The following SLX4IP variants were observed in gnomAD, a reference collection of about 807,000 sequenced individuals.
SLX4IP encodes SLX4 interacting protein.
In SLX4IP, 34 loss-of-function variants were observed where a neutral mutation model predicts 32.9. The ratio of observed to expected loss-of-function variants is 1.03; its 90% CI spans 0.79 to 1.38. The LOEUF is 1.38. Among genes scored for constraint, SLX4IP ranks in the 40% most tolerant of loss-of-function variants. The probability of loss-of-function intolerance (pLI) is 0.00; values close to 1 mark genes in which losing one functional copy is unlikely to be tolerated. For missense variants in SLX4IP, 444 were observed against 479.0 expected, an observed-to-expected ratio of 0.93 and a Z score of 0.68; for synonymous variants, 172 against 171.7, an observed-to-expected ratio of 1.00 and a Z score of -0.01.
intron 2 of SLX4IP, among the ~76,000 whole-genome samples, chr20:10,546,315 C>A (rs539199092): frequency 6.6e-6 from 1 of 152,186 alleles, no homozygotes; most frequent in Non-Finnish European, 1.5e-5. Context: ...GAGGAGAGTT[C>A]ATAGTTTTAC....
chr20:10,518,770 A>G (rs1293062135), intron 2 of SLX4IP, among the ~76,000 whole-genome samples: 1 of 151,838 alleles, frequency 6.6e-6, no homozygotes, highest in Non-Finnish European at 1.5e-5. Flanking sequence ...GGGTTTGGCT[A>G]TGTAACTCAG....
At chr20:10,502,752 T>C (rs1356584663) in intron 2 of SLX4IP, among the ~76,000 whole-genome samples, 1 of 152,010 alleles carries the variant, frequency 6.6e-6, no homozygotes, top group Non-Finnish European at 1.5e-5. Context: ...AGTCATCATC[T>C]AATGGGCTAA....
At position 10,588,508 on chromosome 20, in the gene SLX4IP, T is replaced by C. The variant is rs185471942; in HGVS notation, c.239-10167T>C. Among the ~76,000 whole-genome samples the C allele has an allele frequency of 9.1e-4, 139 of 152,196 alleles. 1 individual carries two copies. Among genetic ancestry groups the C allele is most frequent in the Admixed American group, 3.3e-3 (50 of 15,278 alleles). On this transcript the variant is annotated intron_variant, in intron 4 of 7. Coordinates refer to ENST00000334534, the MANE Select transcript of SLX4IP (RefSeq NM_001009608.3). The stretch of plus-strand genomic sequence containing the variant: ...CAGCAGTCTCACGTCTGGGTATATA[T>C]ACAAAGGAAATGAAACTAGCATCTT...
At chr20:10,525,395 A>G (rs2065932915) in intron 2 of SLX4IP, among the ~76,000 whole-genome samples, 2 of 152,110 alleles carry the variant, frequency 1.3e-5, no homozygotes, top group African/African-American at 2.4e-5. Flanking sequence ...CTTGCTTTCC[A>G]TCTGCTCACA....
In SLX4IP at chr20:10,625,092, G is replaced by A. The variant is rs2067158125; in HGVS notation, c.*1713G>A. ...GGAGCCCAACAGAATACTAACTTCAGTGGAGCTGACTCTGCTTATACAATA... is the reference window on the plus strand; with the variant it reads ...GGAGCCCAACAGAATACTAACTTCAATGGAGCTGACTCTGCTTATACAATA... On this transcript the variant is annotated 3_prime_UTR_variant, in exon 8 of 8. Coordinates refer to ENST00000334534, the MANE Select transcript of SLX4IP (RefSeq NM_001009608.3). The A allele has an allele frequency of 6.6e-6, 1 of 152,224 alleles. No homozygotes were observed. The highest frequency in any genetic ancestry group is 2.4e-5 in the African/African-American group (1 of 41,448). 9.4% of individuals were successfully genotyped at this position (152,224 alleles called of 1,614,324 possible). A position where few individuals can be genotyped will look rare whatever the true frequency, so the allele number is the denominator to read the frequency against.
At chr20:10,577,560 CA>C (rs964121120) in intron 4 of SLX4IP, among the ~76,000 whole-genome samples, 5 of 151,554 alleles carry the variant, frequency 3.3e-5, no homozygotes, top group Admixed American at 3.3e-4. Flanking sequence ...TACAAAAAAA[CA>C]TAAAAATAAA....
At chr20:10,505,466 A>G (rs2065751295) in intron 2 of SLX4IP, among the ~76,000 whole-genome samples, 1 of 152,254 alleles carries the variant, frequency 6.6e-6, no homozygotes, top group Admixed American at 6.5e-5. Flanking sequence ...TGTCTTCTTT[A>G]GCCCGACTGT....
At chr20:10,460,467 G>A (rs527963184) in intron 2 of SLX4IP, among the ~76,000 whole-genome samples, 1 of 152,340 alleles carries the variant, frequency 6.6e-6, no homozygotes, top group African/African-American at 2.4e-5. Context: ...CATACTCAGT[G>A]CAGTTGATGC....
intron 4 of SLX4IP, among the ~76,000 whole-genome samples, chr20:10,582,598 A>G (rs1293273642): frequency 1.3e-5 from 2 of 152,124 alleles, no homozygotes; most frequent in Non-Finnish European, 1.5e-5. Context: ...CTATAAATCT[A>G]TATTTTCAAC....
Position 10,624,082 on chromosome 20 carries a change from T to C in SLX4IP, c.*703T>C, listed in dbSNP as rs577835040. ...ATCCCCTCGGACTCCCTCAAACTCG[T>C]AAAACACTTGGGTTTGGTGTATGGG... On this transcript the variant is annotated 3_prime_UTR_variant, in exon 8 of 8. Transcript: ENST00000334534. 6 of 152,362 alleles carry C rather than the reference T, an allele frequency of 3.9e-5. No homozygotes were observed. Among genetic ancestry groups the C allele is most frequent in the Admixed American group, 3.3e-4 (5 of 15,306 alleles). The allele number at this position is 152,362 out of a possible 1,614,324, so 9.4% of individuals were successfully genotyped here.
chr20:10,565,151 C>T (rs900237052), intron 4 of SLX4IP, among the ~76,000 whole-genome samples: 5 of 152,128 alleles, frequency 3.3e-5, no homozygotes, highest in African/African-American at 1.2e-4. Flanking sequence ...CCTCTGCTGC[C>T]AGAGTGGCCT....
intron 1 of SLX4IP, among the ~76,000 whole-genome samples, chr20:10,450,783 G>T (rs1223714170): frequency 2.0e-5 from 3 of 152,136 alleles, no homozygotes; most frequent in Admixed American, 6.5e-5. Context: ...ACGGAGTCTC[G>T]CTCTGTCGCC....
chr20:10,499,249 T>A (rs2065696176), intron 2 of SLX4IP, among the ~76,000 whole-genome samples: 1 of 152,202 alleles, frequency 6.6e-6, no homozygotes, highest in Admixed American at 6.5e-5. Context: ...CTTTGAACTT[T>A]ACTTACAATA....
chr20:10,512,776 CT>C (rs2065820105), intron 2 of SLX4IP, among the ~76,000 whole-genome samples: 1 of 114,746 alleles, frequency 8.7e-6, no homozygotes, highest in Non-Finnish European at 1.7e-5. Context: ...CACACACACA[CT>C]CTATATATAT....
At chr20:10,583,170 T>TA (rs1340771000) in intron 4 of SLX4IP, among the ~76,000 whole-genome samples, 3 of 152,218 alleles carry the variant, frequency 2.0e-5, no homozygotes, top group Non-Finnish European at 2.9e-5. Flanking sequence ...CCAACTATTT[T>TA]AAAGTAGATT....
Position 10,567,675 on chromosome 20 carries a change from T to C in SLX4IP, c.238+6855T>C, listed in dbSNP as rs2066412912. 2.0e-5 allele frequency among the ~76,000 whole-genome samples: 3 copies of C among 152,236 alleles called. No homozygotes were observed. In the South Asian group the frequency reaches 6.2e-4, roughly 32 times the overall value. Reference sequence around the variant, plus strand: ...TGTATAAATATTCTCACACTCTATATAACTTTTCCCCAAATATTTATGTCA... The same window carrying C: ...TGTATAAATATTCTCACACTCTATACAACTTTTCCCCAAATATTTATGTCA... On this transcript the variant is annotated intron_variant, in intron 4 of 7. Coordinates refer to ENST00000334534, the MANE Select transcript of SLX4IP (RefSeq NM_001009608.3).
intron 6 of SLX4IP, among the ~76,000 whole-genome samples, chr20:10,618,940 T>TGGGGGGGGGTGGGGGGGGG (rs59862780): frequency 2.4e-5 from 1 of 41,788 alleles, no homozygotes; most frequent in Non-Finnish European, 4.9e-5. Flanking sequence ...GCTTGGGGGT[T>TGGGGGGGGGTGGGGGGGGG]GGGGGGGCGG....
intron 6 of SLX4IP, among the ~76,000 whole-genome samples, chr20:10,616,051 T>C (rs986963638): frequency 6.6e-6 from 1 of 152,172 alleles, no homozygotes; most frequent in Non-Finnish European, 1.5e-5. Context: ...CTTGGTCTTA[T>C]TCCCCAAGCC....
chr20:10,560,055 A>G lies in SLX4IP; in HGVS notation c.118-645A>G, dbSNP rs561269229. The stretch of plus-strand genomic sequence containing the variant: ...AAAAATTTTTAGACCAAGTTTGAAA[A>G]ATGGGATAGTTTATATAAAAATTAC... On this transcript the variant is annotated intron_variant, in intron 3 of 7. Coordinates refer to ENST00000334534, the MANE Select transcript of SLX4IP (RefSeq NM_001009608.3). Among the ~76,000 whole-genome samples the G allele has an allele frequency of 1.7e-4, 26 of 152,346 alleles. 1 individual carries two copies. Among genetic ancestry groups the G allele is most frequent in the Middle Eastern group, 3.4e-3 (1 of 294 alleles).
Sources: gnomAD v4.1 joint callset for allele counts (sites outside exome capture counted in the v4.1 genomes callset) on GRCh38, gnomAD v4.1.1 for gene constraint, MANE v1.5 for transcripts, NCBI Gene and HGNC (gene_info 2026-07-23, HGNC 2026-07-21) for gene names.